LCT: variants seen among roughly 807,000 people sequenced by gnomAD.
LCT encodes lactase.
In LCT, 90 loss-of-function variants were observed where a neutral mutation model predicts 173.0. That is an observed-to-expected ratio of 0.52 (90% CI 0.44 to 0.62). The LOEUF is 0.62. LCT is among the 20% of genes least tolerant of loss of function. The probability of loss-of-function intolerance (pLI) is 0.00; values close to 1 mark genes in which losing one functional copy is unlikely to be tolerated. For synonymous variants in LCT, 853 were observed against 957.6 expected (o/e 0.89, Z 2.02); for missense variants, 1,864 against 2,431.4 (o/e 0.77, Z 4.91).
intron 7 of LCT, 66 bp downstream of exon 7, chr2:135,812,245 C>G (rs1015950225): frequency 7.2e-7 from 1 of 1,384,866 alleles, no homozygotes; most frequent in Non-Finnish European, 1.0e-6. Flanking sequence ...TCTTATTAAA[C>G]GAAACTTTGA....
chr2:135,822,125 C>T, intron 4 of LCT, 27 bp from the exon 5 acceptor site: 1 of 1,322,554 alleles, frequency 7.6e-7, no homozygotes, highest in Non-Finnish European at 1.1e-6. Flanking sequence ...TGAATTAACT[C>T]TATGTAAATG....
chr2:135,803,798 C>T (rs1163125444), intron 11 of LCT, 132 bp downstream of exon 11: 9 of 780,454 alleles, frequency 1.2e-5, no homozygotes, highest in Admixed American at 4.0e-5. Flanking sequence ...ACCTCTACAG[C>T]CCTGAGCAAG....
intron 14 of LCT, among the ~76,000 whole-genome samples, chr2:135,793,747 A>C (rs543885530): frequency 7.2e-5 from 11 of 152,150 alleles, no homozygotes; most frequent in Non-Finnish European, 1.0e-4. Context: ...TGGATGAAAA[A>C]GTCTCTAGAT....
chr2:135,828,991 G>T (rs1343374253), intron 3 of LCT, among the ~76,000 whole-genome samples: 1 of 152,172 alleles, frequency 6.6e-6, no homozygotes, highest in Non-Finnish European at 1.5e-5. Flanking sequence ...AGGAGTTTGA[G>T]ACCAACGTGA....
intron 11 of LCT, among the ~76,000 whole-genome samples, chr2:135,801,531 A>G (rs1247598580): frequency 6.6e-6 from 1 of 151,634 alleles, no homozygotes; most frequent in East Asian, 2.0e-4. Flanking sequence ...CTTGCCCAAT[A>G]TGGTGAAACC....
At chr2:135,799,864 A>G (rs2077611699) in intron 12 of LCT, among the ~76,000 whole-genome samples, 2 of 152,256 alleles carry the variant, frequency 1.3e-5, no homozygotes, top group African/African-American at 4.8e-5. Context: ...CAGAATCTAA[A>G]GCCCCCAATT....
intron 12 of LCT, among the ~76,000 whole-genome samples, chr2:135,800,373 G>A (rs1400729610): frequency 6.6e-6 from 1 of 152,096 alleles, no homozygotes; most frequent in Non-Finnish European, 1.5e-5. Flanking sequence ...GACTATAGGT[G>A]TGTGTCACCA....
rs1268877080 is a variant in LCT, at chr2:135,804,010, T to C, written c.4583A>G (p.Asp1528Gly). The C allele has an allele frequency of 1.2e-6, 2 of 1,613,194 alleles. No individual in the cohort carries two copies. Among genetic ancestry groups the C allele is most frequent in the Non-Finnish European group, 1.7e-6 (2 of 1,179,280 alleles). The change falls in exon 11 of 17, where the codon GAC (aspartate) becomes GGC (glycine). Residue 1528 changes from aspartate to glycine, a missense_variant. Physicochemically the swap from Asp to Gly is moderately conservative, Grantham distance 94. Around this residue, in one of 4 missense-constraint regions of LCT, gnomAD observed 514 missense variants for 750.1 expected, o/e 0.69. Transcript: ENST00000264162. The part of the protein sequence containing the change: ...YADVLFQRLG[D>G]KVKFWITLNE... ...CAGCGTGATCCAAAACTTCACCTTG[T>C]CTCCCAGCCTCTGGAAGAGCACATC...
At chr2:135,819,974 C>T (rs1484548664) in intron 5 of LCT, among the ~76,000 whole-genome samples, 1 of 152,140 alleles carries the variant, frequency 6.6e-6, no homozygotes, top group African/African-American at 2.4e-5. Flanking sequence ...AGGGATTTAG[C>T]ACATGACGGC....
intron 2 of LCT, 67 bp from the exon 3 acceptor site, chr2:135,829,743 G>A: frequency 4.5e-6 from 5 of 1,101,532 alleles, no homozygotes; most frequent in Non-Finnish European, 7.0e-6. Context: ...CCTCTCAGAA[G>A]TACGCTTTTT....
intron 8 of LCT, 146 bp downstream of exon 8, chr2:135,808,297 A>T: frequency 1.2e-6 from 1 of 801,644 alleles, no homozygotes; most frequent in South Asian, 1.4e-5. Context: ...GGAACATATA[A>T]CCCCCAAACA....
intron 2 of LCT, 56 bp downstream of exon 2, chr2:135,833,055 A>G (rs1028854361): frequency 1.1e-5 from 15 of 1,347,936 alleles, no homozygotes; most frequent in Admixed American, 1.7e-5. Context: ...TGTTTTTAAA[A>G]AATTAAAATC....
At chr2:135,830,660 G>C (rs2077930019) in intron 2 of LCT, among the ~76,000 whole-genome samples, 1 of 152,202 alleles carries the variant, frequency 6.6e-6, no homozygotes, top group Non-Finnish European at 1.5e-5. Flanking sequence ...GGCATAAATG[G>C]GTTAATAAGT....
chr2:135,810,416 C>T (rs1449224865), intron 7 of LCT: 1 of 161,014 alleles, frequency 6.2e-6, no homozygotes, highest in Non-Finnish European at 1.4e-5. Flanking sequence ...AATGTTCATC[C>T]TTTTTCCTCC....
chr2:135,821,990 T>C (rs368751975), intron 5 of LCT, 30 bp downstream of exon 5: 123 of 1,232,330 alleles, frequency 1.0e-4, no homozygotes, highest in Non-Finnish European at 1.4e-4. Context: ...ATATCAGTTA[T>C]TGATAGTTCA....
At chr2:135,807,418 C>T in intron 8 of LCT, 22 bp from the exon 9 acceptor site, 2 of 1,613,630 alleles carry the variant, frequency 1.2e-6, no homozygotes, top group Non-Finnish European at 1.7e-6. Flanking sequence ...CCAAAGGGAG[C>T]AGAGGAGAGC....
chr2:135,806,099 C>T (rs1269083146), intron 9 of LCT, among the ~76,000 whole-genome samples: 4 of 152,106 alleles, frequency 2.6e-5, no homozygotes, highest in Admixed American at 1.3e-4. Flanking sequence ...GATCCTCCTG[C>T]CTCAGCCTCC....
chr2:135,807,093 C>T (rs1490933951), intron 9 of LCT, 35 bp downstream of exon 9: 1 of 1,611,822 alleles, frequency 6.2e-7, no homozygotes, highest in Non-Finnish European at 8.5e-7. Flanking sequence ...GGCAGGTGTG[C>T]AGTCACTGGT....
intron 5 of LCT, 119 bp from the exon 6 acceptor site, chr2:135,818,180 A>G: frequency 8.1e-7 from 1 of 1,233,160 alleles, no homozygotes; most frequent in South Asian, 1.3e-5. Context: ...CTGAGTCAAA[A>G]GTCATATCTG....
Sources: allele counts gnomAD v4.1 joint callset (sites outside exome capture counted in the v4.1 genomes callset), GRCh38; gene constraint gnomAD v4.1.1; regional missense constraint gnomAD v4.1.1; transcripts MANE v1.5; gene names NCBI Gene and HGNC (gene_info 2026-07-23, HGNC 2026-07-21).